CDH20: variants seen among roughly 807,000 people sequenced by gnomAD.
The protein encoded by CDH20 is cadherin 20.
CDH20 carries 29 observed loss-of-function variants against 74.2 expected under a neutral mutation model. The observed-to-expected ratio is 0.39, with a 90% CI of 0.29 to 0.53. The LOEUF is 0.53. Among genes scored for constraint, CDH20 ranks in the 20% least tolerant of loss-of-function variants. The pLI is 0.69. For missense variants in CDH20, 988 were observed against 1,048.3 expected (o/e 0.94, Z 0.79); for synonymous variants, 469 against 405.4 (o/e 1.16, Z -1.88).
intron 2 of CDH20, 64 bp downstream of exon 2, chr18:61,490,863 T>A: frequency 1.6e-5 from 24 of 1,477,986 alleles, no homozygotes; most frequent in Non-Finnish European, 2.2e-5. Flanking sequence ...GAATTGAGTA[T>A]CAAAGTTGAC....
At chr18:61,405,599 T>A (rs140212224) in intron 1 of CDH20, among the ~76,000 whole-genome samples, 1 of 152,084 alleles carries the variant, frequency 6.6e-6, no homozygotes, top group Non-Finnish European at 1.5e-5. Context: ...AATAATTAAA[T>A]AAAATAAATT....
At chr18:61,530,232 A>T (rs373800483) in intron 7 of CDH20, among the ~76,000 whole-genome samples, 4 of 152,294 alleles carry the variant, frequency 2.6e-5, no homozygotes, top group Middle Eastern at 3.4e-3. Context: ...TGGTCCCTGG[A>T]CCCAAGAAGA....
chr18:61,444,118 ATACTTGT>A (rs1909120548), intron 1 of CDH20, among the ~76,000 whole-genome samples: 1 of 152,032 alleles, frequency 6.6e-6, no homozygotes, highest in African/African-American at 2.4e-5. Flanking sequence ...TCTTAAGTAA[ATACTTGT>A]GTATTTATTT....
chr18:61,382,821 T>C (rs1025269937), intron 1 of CDH20, among the ~76,000 whole-genome samples: 4 of 152,138 alleles, frequency 2.6e-5, no homozygotes, highest in African/African-American at 9.7e-5. Context: ...ATGTAAGAAC[T>C]CACAATGAAC....
chr18:61,526,162 CTT>C (rs979827485), intron 6 of CDH20, among the ~76,000 whole-genome samples: 6 of 119,448 alleles, frequency 5.0e-5, no homozygotes, highest in Non-Finnish European at 6.7e-5. Context: ...GAGTTTCACT[CTT>C]ATTGCCCAGG....
chr18:61,518,118 A>T (rs1489474022), intron 6 of CDH20, among the ~76,000 whole-genome samples: 1 of 152,154 alleles, frequency 6.6e-6, no homozygotes, highest in Non-Finnish European at 1.5e-5. Flanking sequence ...CAGCAGCCCC[A>T]GTCAGGGGCT....
At chr18:61,383,590 A>T (rs1030115949) in intron 1 of CDH20, among the ~76,000 whole-genome samples, 7 of 152,144 alleles carry the variant, frequency 4.6e-5, no homozygotes, top group African/African-American at 1.7e-4. Context: ...AAAAAAAAAT[A>T]AAAAATAAAA....
chr18:61,546,785 C>G (rs1913266084), intron 10 of CDH20, among the ~76,000 whole-genome samples: 1 of 152,138 alleles, frequency 6.6e-6, no homozygotes, highest in South Asian at 2.1e-4. Flanking sequence ...CGTGACTCAT[C>G]TCTTGGAAGG....
At chr18:61,512,428 T>A (rs1911817018) in intron 6 of CDH20, among the ~76,000 whole-genome samples, 1 of 152,218 alleles carries the variant, frequency 6.6e-6, no homozygotes, top group African/African-American at 2.4e-5. Context: ...ATCTGAGATG[T>A]CATGAATTAT....
At chr18:61,423,255 G>T (rs1912950561) in intron 1 of CDH20, among the ~76,000 whole-genome samples, 2 of 152,156 alleles carry the variant, frequency 1.3e-5, no homozygotes, top group Admixed American at 6.5e-5. Context: ...TTTGGGGAGG[G>T]CCCCCTGCCC....
At position 61,555,378 on chromosome 18, in the gene CDH20, T is replaced by C. The variant is rs1402544720; in HGVS notation, c.*683T>C. 1.0e-6 allele frequency: 1 copy of C among 985,342 alleles called. No homozygotes were observed. The highest frequency in any genetic ancestry group is 1.2e-6 in the Non-Finnish European group (1 of 829,994). The allele number at this position is 985,342 out of a possible 1,614,324, so 61.0% of individuals were successfully genotyped here. On this transcript the variant is annotated 3_prime_UTR_variant, in exon 12 of 12. Coordinates refer to ENST00000262717, the MANE Select transcript of CDH20 (RefSeq NM_031891.4). ...TGGCATTACAGCTCATCCAACGCCA[T>C]CAAGTTAGAGTGCTCGTGTCTCCTC... is the stretch of plus-strand genomic sequence containing the variant.
intron 2 of CDH20, among the ~76,000 whole-genome samples, chr18:61,492,118 C>G (rs973981484): frequency 6.6e-6 from 1 of 152,100 alleles, no homozygotes; most frequent in Non-Finnish European, 1.5e-5. Flanking sequence ...TACTCATAGG[C>G]CTTTCCAATG....
chr18:61,462,727 G>A (rs1268287146), intron 1 of CDH20, among the ~76,000 whole-genome samples: 2 of 143,592 alleles, frequency 1.4e-5, no homozygotes, highest in Non-Finnish European at 3.0e-5. Flanking sequence ...AAAAAAAAGG[G>A]GGGGGGGGCA....
At chr18:61,355,373 C>T (rs1910464250) in intron 1 of CDH20, among the ~76,000 whole-genome samples, 1 of 152,144 alleles carries the variant, frequency 6.6e-6, no homozygotes, top group Non-Finnish European at 1.5e-5. Flanking sequence ...ATCATTCTTA[C>T]TGGGACTAAA....
At chr18:61,538,590 TTGTTTG>T (rs1568182070) in intron 8 of CDH20, among the ~76,000 whole-genome samples, 1,266 of 76,104 alleles carry the variant, frequency 0.017, 205 homozygotes, top group African/African-American at 0.041. Flanking sequence ...TTTTGTTTGT[TTGTTTG>T]TTTTTGTTTT....
intron 1 of CDH20, among the ~76,000 whole-genome samples, chr18:61,462,511 G>C (rs925136548): frequency 3.9e-5 from 6 of 152,050 alleles, no homozygotes; most frequent in African/African-American, 1.2e-4. Flanking sequence ...TATCTTCTAG[G>C]AGGGACACAA....
intron 8 of CDH20, among the ~76,000 whole-genome samples, chr18:61,537,130 T>A (rs1295239234): frequency 1.3e-5 from 2 of 152,058 alleles, no homozygotes; most frequent in Non-Finnish European, 2.9e-5. Context: ...CATTAATATA[T>A]ATTATAAACA....
chr18:61,347,262 A>G (rs904820081), intron 1 of CDH20, among the ~76,000 whole-genome samples: 1 of 142,752 alleles, frequency 7.0e-6, no homozygotes, highest in Admixed American at 7.0e-5. Flanking sequence ...CAGCCTGGCC[A>G]ACATGGTGAA....
intron 1 of CDH20, among the ~76,000 whole-genome samples, chr18:61,375,152 C>T (rs908343260): frequency 2.6e-5 from 4 of 152,140 alleles, no homozygotes; most frequent in East Asian, 1.9e-4. Context: ...TCTGGGGTTC[C>T]GTCCAGGCCA....
Sources: allele counts gnomAD v4.1 joint callset (sites outside exome capture counted in the v4.1 genomes callset), GRCh38; gene constraint gnomAD v4.1.1; transcripts MANE v1.5; gene names NCBI Gene and HGNC (gene_info 2026-07-23, HGNC 2026-07-21).